NBR1: variants seen among roughly 807,000 people sequenced by gnomAD.
The protein encoded by NBR1 is NBR1 autophagy cargo receptor.
In NBR1, 59 loss-of-function variants were observed where a neutral mutation model predicts 115.5. That is an observed-to-expected ratio of 0.51 (90% CI 0.41 to 0.63). The LOEUF (loss-of-function observed/expected upper bound fraction) is 0.63, where lower values mean the gene tolerates loss of function less well. Among genes scored for constraint, NBR1 ranks in the 30% least tolerant of loss-of-function variants. The pLI, the probability that NBR1 is intolerant of heterozygous loss-of-function variation, is 0.00. For synonymous variants in NBR1, 373 were observed against 414.7 expected, an observed-to-expected ratio of 0.90 and a Z score of 1.22; for missense variants, 1,043 against 1,150.5, an observed-to-expected ratio of 0.91 and a Z score of 1.35.
intron 6 of NBR1, among the ~76,000 whole-genome samples, chr17:43,188,000 C>T (rs2056859020): frequency 6.6e-6 from 1 of 150,996 alleles, no homozygotes. Flanking sequence ...ACGCCATTCT[C>T]CTGCCTCAGC....
chr17:43,202,795 T>C (rs754014884), intron 19 of NBR1, 83 bp downstream of exon 19: 3 of 1,078,808 alleles, frequency 2.8e-6, no homozygotes, highest in East Asian at 2.6e-5. Flanking sequence ...TCTCACAGTA[T>C]GTACCCATCT....
chr17:43,209,824 G>T, intron 20 of NBR1, 77 bp from the exon 21 acceptor site: 1 of 1,457,198 alleles, frequency 6.9e-7, no homozygotes, highest in South Asian at 1.5e-5. Flanking sequence ...CTTGCAAGAT[G>T]ATACAAATGT....
chr17:43,209,518 A>T, intron 20 of NBR1: 1 of 1,462,542 alleles, frequency 6.8e-7, no homozygotes, highest in Non-Finnish European at 9.3e-7. Flanking sequence ...TATCTTGCTC[A>T]TACTTCCCCC....
chr17:43,209,386 A>G (rs2057374784), intron 20 of NBR1, among the ~76,000 whole-genome samples: 1 of 151,986 alleles, frequency 6.6e-6, no homozygotes, highest in African/African-American at 2.4e-5. Flanking sequence ...CCTCTTACCT[A>G]TTCTTTTGGA....
chr17:43,204,784 C>G (rs1376049317), intron 20 of NBR1, among the ~76,000 whole-genome samples: 2 of 146,136 alleles, frequency 1.4e-5, no homozygotes, highest in East Asian at 4.1e-4. Context: ...CACAGCACTC[C>G]AGCCTGGCGA....
intron 10 of NBR1, among the ~76,000 whole-genome samples, chr17:43,192,811 G>A (rs906376643): frequency 2.0e-5 from 3 of 152,192 alleles, no homozygotes; most frequent in Admixed American, 2.0e-4. Flanking sequence ...TTAAAAGCCT[G>A]ACTCTCTAGG....
At chr17:43,175,350 C>T (rs187995632) in intron 1 of NBR1, among the ~76,000 whole-genome samples, 10 of 152,314 alleles carry the variant, frequency 6.6e-5, no homozygotes, top group African/African-American at 2.2e-4. Context: ...GACCTTATCT[C>T]TCTTATCCAT....
Position 43,190,675 on chromosome 17 carries a change from C to T in NBR1, c.762C>T (p.His254=), listed in dbSNP as rs760979536. The T allele has an allele frequency of 2.5e-5, 40 of 1,613,440 alleles. No individual in the cohort carries two copies. The highest frequency in any genetic ancestry group is 1.3e-4 in the East Asian group (6 of 44,892). Residue 254 remains histidine, a synonymous_variant, in exon 9 of 21, where the codon CAC becomes CAT. Transcript: ENST00000590996. The part of the protein sequence containing the change: ...EAGPYGHDTN[H]VLLKLRRPVV... ...GGCCATATGGCCATGACACTAACCA[C>T]GTCCTGCTGAAGTTGCGGAGACCTG...
intron 18 of NBR1, 62 bp from the exon 19 acceptor site, chr17:43,202,593 G>A: frequency 1.7e-6 from 2 of 1,194,622 alleles, no homozygotes; most frequent in Non-Finnish European, 2.4e-6. Context: ...GCCTTGCTGT[G>A]AGTTAGGAAA....
At chr17:43,177,841 G>A in intron 2 of NBR1, 95 bp from the exon 3 acceptor site, 2 of 1,114,132 alleles carry the variant, frequency 1.8e-6, no homozygotes, top group Non-Finnish European at 2.4e-6. Flanking sequence ...GGTTATTAAG[G>A]TTGTTTGTTG....
intron 20 of NBR1, among the ~76,000 whole-genome samples, chr17:43,206,060 C>T (rs1421111578): frequency 6.6e-6 from 1 of 151,352 alleles, no homozygotes; most frequent in Non-Finnish European, 1.5e-5. Context: ...CCTGTAATCC[C>T]AGCTACTCAG....
intron 2 of NBR1, among the ~76,000 whole-genome samples, chr17:43,177,570 AAAACACAC>A (rs2056549379): frequency 1.4e-5 from 1 of 72,276 alleles, no homozygotes. Context: ...CACCCCACCC[AAAACACAC>A]ACACACACAC....
chr17:43,200,668 C>G, intron 17 of NBR1, 60 bp downstream of exon 17: 1 of 1,457,260 alleles, frequency 6.9e-7, no homozygotes, highest in Non-Finnish European at 9.3e-7. Context: ...AGAGAGGAAT[C>G]GACCTGATCT....
intron 7 of NBR1, 102 bp downstream of exon 7, chr17:43,189,221 G>A (rs1169224905): frequency 1.5e-5 from 12 of 816,896 alleles, no homozygotes; most frequent in Middle Eastern, 2.2e-4. Context: ...CTCTAGTACC[G>A]GTGAAGAGTG....
At chr17:43,182,857 A>C (rs1000547859) in intron 5 of NBR1, among the ~76,000 whole-genome samples, 2 of 151,080 alleles carry the variant, frequency 1.3e-5, no homozygotes, top group African/African-American at 4.9e-5. Context: ...TACACCTCCC[A>C]GGTTCAAGTG....
At chr17:43,171,490 G>A (rs1360388255) in intron 1 of NBR1, among the ~76,000 whole-genome samples, 188 bp downstream of exon 1, 1 of 152,232 alleles carries the variant, frequency 6.6e-6, no homozygotes, top group Non-Finnish European at 1.5e-5. Flanking sequence ...GAGAAGCGCC[G>A]GAGAGTTGGA....
upstream of NBR1, chr17:43,170,480 C>T (rs2056324864): frequency 6.5e-6 from 1 of 153,986 alleles, no homozygotes; most frequent in Admixed American, 6.5e-5. Context: ...TATTACGTCA[C>T]AGTAATTGCT....
At chr17:43,201,093 TC>T (rs1436595351) in intron 17 of NBR1, among the ~76,000 whole-genome samples, 1 of 152,188 alleles carries the variant, frequency 6.6e-6, no homozygotes, top group Non-Finnish European at 1.5e-5. Context: ...GGTCTTGAAC[TC>T]CTGGCCTTAA....
At chr17:43,178,339 A>G (rs886584327) in intron 3 of NBR1, among the ~76,000 whole-genome samples, 1 of 143,938 alleles carries the variant, frequency 6.9e-6, no homozygotes, top group Admixed American at 6.9e-5. Flanking sequence ...TGAGACACCC[A>G]CCATGCCTGG....
Sources: allele counts gnomAD v4.1 joint callset (sites outside exome capture counted in the v4.1 genomes callset), GRCh38; gene constraint gnomAD v4.1.1; transcripts MANE v1.5; gene names NCBI Gene and HGNC (gene_info 2026-07-23, HGNC 2026-07-21).